The following CUL9 variants were observed in gnomAD, a reference collection of about 807,000 sequenced individuals.
The protein encoded by CUL9 is cullin-9.
CUL9 carries 79 observed loss-of-function variants against 272.6 expected under a neutral mutation model. That is an observed-to-expected ratio of 0.29 (90% CI 0.24 to 0.35). CUL9 has a LOEUF of 0.35. Ranked by LOEUF, CUL9 falls within the 10% of genes least tolerant of loss-of-function variation. CUL9 has a pLI of 1.00. For missense variants in CUL9, 2,532 were observed against 3,255.6 expected (o/e 0.78, Z 5.41); for synonymous variants, 1,186 against 1,286.5 (o/e 0.92, Z 1.67).
chr6:43,198,840 T>C lies in CUL9; in HGVS notation c.3035T>C (p.Leu1012Pro). The C allele has an allele frequency of 6.2e-7, 1 of 1,613,538 alleles. No individual in the cohort carries two copies. Among genetic ancestry groups the C allele is most frequent in the Non-Finnish European group, 8.5e-7 (1 of 1,180,026 alleles). Residue 1012 changes from leucine to proline, a missense_variant, in exon 12 of 41, where the codon CTG (leucine) becomes CCG (proline). By Grantham distance (98) the Leu-to-Pro change is moderately conservative. This residue lies in a region of CUL9 where 2,218 missense variants were observed against 2,788.6 expected (regional missense o/e 0.80). Transcript: ENST00000252050. ...LDAPGPNKTL[L>P]LSVLRVITRL... is the part of the protein sequence containing the mutation. ...GCTCCGGGGCCCAACAAGACTCTGC[T>C]GCTGTCTGTGCTGAGGTGAGGGGCC... is the stretch of plus-strand genomic sequence containing the variant.
intron 20 of CUL9, 168 bp from the exon 21 acceptor site, chr6:43,204,192 G>T (rs1582375312): frequency 9.5e-7 from 1 of 1,053,234 alleles, no homozygotes; most frequent in East Asian, 2.6e-5. Flanking sequence ...TCCCCACCCT[G>T]TTAACATTTC....
rs1279924790 is a variant in CUL9 at position 43,186,176 on chromosome 6, CGAACAG to C, written c.974_979del (p.Glu325_Gln326del). Reference sequence around the variant, plus strand: ...GCATGGGCTGGGCCCGGAACCTCAGCGAACAGGGCATGTCACCTCCCCGGCCAACCC... The same window carrying C: ...GCATGGGCTGGGCCCGGAACCTCAGCGGCATGTCACCTCCCCGGCCAACCC... On this transcript the variant is annotated inframe_deletion, in exon 4 of 41. Coordinates refer to ENST00000252050, the MANE Select transcript of CUL9 (RefSeq NM_015089.4). The C allele has an allele frequency of 1.9e-6, 3 of 1,614,080 alleles. No homozygotes were observed. The highest frequency in any genetic ancestry group is 2.5e-6 in the Non-Finnish European group (3 of 1,180,046).
Position 43,220,706 on chromosome 6 carries a change from G to A in CUL9, c.6424-41G>A. The A allele has an allele frequency of 6.2e-7, 1 of 1,605,666 alleles. No homozygotes were observed. Among genetic ancestry groups the A allele is most frequent in the Non-Finnish European group, 8.5e-7 (1 of 1,175,410 alleles). ...GGGGGCCTGGAGGTGTGGCATCCTG[G>A]AGAGCCATACCCTCACCTCGTGGCA... On this transcript the variant is annotated intron_variant, in intron 32 of 40. Coordinates refer to ENST00000252050, the MANE Select transcript of CUL9 (RefSeq NM_015089.4). The surrounding 1 kb of genome is among the most constrained non-coding windows in gnomAD (Gnocchi z 4.9).
At position 43,198,778 on chromosome 6, in the gene CUL9, G is replaced by A. The variant is rs140559266; in HGVS notation, c.2973G>A (p.Glu991=). 2.0e-4 allele frequency: 328 copies of A among 1,614,020 alleles called. No homozygotes were observed. The highest frequency in any genetic ancestry group is 5.3e-4 in the South Asian group (48 of 91,086). ...VRPLLKRLQQ[E]TQPFLLLLRT... ...CCCTCCTCAAGCGCCTCCAGCAGGA[G>A]ACCCAGCCTTTCCTCCTGTTGCTGC... Residue 991 remains glutamate (E), a synonymous_variant, in exon 12 of 41, where the codon GAG becomes GAA. Coordinates refer to ENST00000252050, the MANE Select transcript of CUL9 (RefSeq NM_015089.4).
intron 3 of CUL9, 132 bp from the exon 4 acceptor site, chr6:43,185,823 C>G (rs901938550): frequency 2.3e-6 from 3 of 1,305,006 alleles, no homozygotes; most frequent in African/African-American, 3.0e-5. Flanking sequence ...CTTTCTTACA[C>G]AAATCAAAGT....
Position 43,221,334 on chromosome 6 carries a change from G to C in CUL9, c.6752+13G>C. ...AGGGGTGCCTGCAGTAAGAAGGGGG[G>C]TACTGTGGGGAGCCAGAGGGCAAGG... is the stretch of plus-strand genomic sequence containing the variant. On this transcript the variant is annotated intron_variant, in intron 34 of 40. Transcript: ENST00000252050. The surrounding 1 kb of genome is among the most constrained non-coding windows in gnomAD (Gnocchi z 4.2). 6.3e-7 allele frequency: 1 copy of C among 1,591,348 alleles called. No individual in the cohort carries two copies. Among genetic ancestry groups the C allele is most frequent in the Non-Finnish European group, 8.5e-7 (1 of 1,173,824 alleles).
intron 16 of CUL9, 25 bp from the exon 17 acceptor site, chr6:43,202,691 G>A: frequency 6.2e-7 from 1 of 1,606,926 alleles, no homozygotes; most frequent in Non-Finnish European, 8.5e-7. Flanking sequence ...GCCCAGCTTT[G>A]ACTGTTTCCT....
intron 9 of CUL9, among the ~76,000 whole-genome samples, chr6:43,194,826 C>T (rs950149798): frequency 3.3e-5 from 5 of 151,968 alleles, no homozygotes; most frequent in Admixed American, 6.6e-5. Flanking sequence ...GAGACCAAGG[C>T]GGGTGGATCA....
At chr6:43,205,525 A>G (rs1774978215) in intron 24 of CUL9, 102 bp downstream of exon 24, 1 of 1,361,228 alleles carries the variant, frequency 7.3e-7, no homozygotes, top group African/African-American at 1.4e-5. Flanking sequence ...TGTGTAGAGG[A>G]GAGATTAAGA....
Position 43,187,962 on chromosome 6 carries a change from T to A in CUL9, c.1831T>A (p.Ser611Thr), listed in dbSNP as rs751103085. 6.2e-7 allele frequency: 1 copy of A among 1,613,046 alleles called. No individual in the cohort carries two copies. The highest frequency in any genetic ancestry group is 8.5e-7 in the Non-Finnish European group (1 of 1,179,724). Reference sequence around the variant, plus strand: ...CAGCTTCTCAGAGGAAGAGACTGAGTCCCTCAAAGCAAAGGCCGAGGCCCC... The same window carrying A: ...CAGCTTCTCAGAGGAAGAGACTGAGACCCTCAAAGCAAAGGCCGAGGCCCC... ...EASFSEEETE[S>T]LKAKAEAPKT... is the part of the protein sequence containing the mutation. The change falls in exon 7 of 41, where the codon TCC (serine) becomes ACC (threonine). Residue 611 changes from serine (S) to threonine (T), a missense_variant. Coordinates refer to ENST00000252050, the MANE Select transcript of CUL9 (RefSeq NM_015089.4).
At chr6:43,190,311 T>G (rs1388793271) in intron 8 of CUL9, among the ~76,000 whole-genome samples, 7 of 151,616 alleles carry the variant, frequency 4.6e-5, no homozygotes, top group African/African-American at 1.7e-4. Flanking sequence ...TTTTTTTTTC[T>G]ATAAATATTC....
rs1776439417 is a variant in CUL9 at position 43,222,388 on chromosome 6, C to T, written c.6919C>T (p.Arg2307Trp). The T allele has an allele frequency of 7.1e-7, 1 of 1,400,830 alleles. No individual in the cohort carries two copies. Among genetic ancestry groups the T allele is most frequent in the African/African-American group, 1.6e-5 (1 of 61,436 alleles). 86.8% of individuals were successfully genotyped at this position (1,400,830 alleles called of 1,614,324 possible). A position where few individuals can be genotyped will look rare whatever the true frequency, so the allele number is the denominator to read the frequency against. ...GAGGTGCACTTTCCATCACCAGGCG[C>T]GGGTGAGTCGGGAGGAAACAGCGGG... ...NERCTFHHQA[R>W]EFAVNLRNRV... The change falls in exon 36 of 41, where the codon CGG becomes TGG. Residue 2307 changes from arginine to tryptophan, a missense_variant and splice_region_variant. Arg to Trp is a moderately radical substitution (Grantham distance 101). Around this residue, in one of 3 missense-constraint regions of CUL9, gnomAD observed 237 missense variants for 305.9 expected, o/e 0.77. Transcript: ENST00000252050.
intron 29 of CUL9, 92 bp from the exon 30 acceptor site, chr6:43,214,987 G>A (rs1272969578): frequency 1.4e-6 from 2 of 1,441,242 alleles, no homozygotes; most frequent in East Asian, 2.3e-5. Context: ...AAAAAAAAAG[G>A]GGGGGAAAAA....
chr6:43,221,666 C>T lies in CUL9; in HGVS notation c.6753-19C>T, dbSNP rs763566745. ...CTGCCCAGAGGCAGGAGTCCCTGACCAGCCAGCTTCCTCCATAGCATGACC... is the reference window on the plus strand; with the variant it reads ...CTGCCCAGAGGCAGGAGTCCCTGACTAGCCAGCTTCCTCCATAGCATGACC... On this transcript the variant is annotated intron_variant, in intron 34 of 40. Coordinates refer to ENST00000252050, the MANE Select transcript of CUL9 (RefSeq NM_015089.4). The surrounding 1 kb of genome is among the most constrained non-coding windows in gnomAD (Gnocchi z 4.2). The T allele has an allele frequency of 5.0e-6, 8 of 1,611,436 alleles. No homozygotes were observed. Among genetic ancestry groups the T allele is most frequent in the East Asian group, 2.2e-5 (1 of 44,872 alleles).
At position 43,222,637 on chromosome 6, in the gene CUL9, G is replaced by A. The variant is rs763538988; in HGVS notation, c.7028G>A (p.Arg2343Gln). ...GCCTGCCAGGGACTGGAGCAGGCTC[G>A]GAAGGTGGTAGCGGGTGGGGGAAGA... ...NDACQGLEQA[R>Q]KVLAYACVYS... Residue 2343 changes from arginine (R) to glutamine (Q), a missense_variant, in exon 37 of 41, where the codon CGG becomes CAG. By Grantham distance (43) the Arg-to-Gln change is conservative. Coordinates refer to ENST00000252050, the MANE Select transcript of CUL9 (RefSeq NM_015089.4). The A allele has an allele frequency of 6.8e-6, 11 of 1,611,904 alleles. No homozygotes were observed. The highest frequency in any genetic ancestry group is 3.3e-5 in the Admixed American group (2 of 60,004).
Position 43,205,104 on chromosome 6 carries a change from A to G in CUL9, c.4621A>G (p.Thr1541Ala). ...SGALLQQSFL[T>A]AAHMSEQFAR... ...CGCCTTGCTGCAGCAGTCCTTCCTCACTGCTGCTCACGTGAGTCCCACCAG... is the reference window on the plus strand; with the variant it reads ...CGCCTTGCTGCAGCAGTCCTTCCTCGCTGCTGCTCACGTGAGTCCCACCAG... The change falls in exon 23 of 41, where the codon ACT becomes GCT. Residue 1541 changes from threonine (T) to alanine (A), a missense_variant. Coordinates refer to ENST00000252050, the MANE Select transcript of CUL9 (RefSeq NM_015089.4). 2 of 1,587,896 alleles carry G rather than the reference A, an allele frequency of 1.3e-6. No individual in the cohort carries two copies. The highest frequency in any genetic ancestry group is 2.3e-5 in the South Asian group (2 of 87,934).
chr6:43,186,458 G>A lies in CUL9; in HGVS notation c.1251+3G>A. ...ACAACGGCATTCCCCCTGTGCAGGT[G>A]GGCAGCACATGGTGGTGAGACACTG... On this transcript the variant is annotated splice_donor_region_variant and intron_variant, in intron 4 of 40. Coordinates refer to ENST00000252050, the MANE Select transcript of CUL9 (RefSeq NM_015089.4). 1 of 1,581,770 alleles carries A rather than the reference G, an allele frequency of 6.3e-7. No individual in the cohort carries two copies. Among genetic ancestry groups the A allele is most frequent in the Non-Finnish European group, 8.6e-7 (1 of 1,158,832 alleles).
At chr6:43,204,176 A>AC in intron 20 of CUL9, 184 bp from the exon 21 acceptor site, 1 of 1,024,374 alleles carries the variant, frequency 9.8e-7, no homozygotes, top group Non-Finnish European at 1.4e-6. Flanking sequence ...CTTTCCCACT[A>AC]CCCCATCCCC....
chr6:43,204,027 G>T, intron 20 of CUL9, 40 bp downstream of exon 20: 1 of 1,548,408 alleles, frequency 6.5e-7, no homozygotes, highest in South Asian at 1.2e-5. Context: ...CCAGTTCCTT[G>T]TCCTTATTCC....
Sources: gnomAD v4.1 joint callset for allele counts (sites outside exome capture counted in the v4.1 genomes callset) on GRCh38, gnomAD v4.1.1 for gene constraint, gnomAD v4.1.1 regional missense constraint, Gnocchi (gnomAD v3.1) non-coding constraint, MANE v1.5 for transcripts, NCBI Gene and HGNC (gene_info 2026-07-23, HGNC 2026-07-21) for gene names.